The following LARGE1 variants were observed in gnomAD, a reference collection of about 807,000 sequenced individuals.
The protein encoded by LARGE1 is xylosyl- and glucuronyltransferase LARGE1.
A neutral mutation model predicts 87.6 loss-of-function variants in LARGE1; 43 were observed. That is an observed-to-expected ratio of 0.49 (90% CI 0.38 to 0.63). LARGE1 has a LOEUF of 0.63. Ranked by LOEUF, LARGE1 falls within the 30% of genes least tolerant of loss-of-function variation. The pLI is 0.00. For missense variants in LARGE1, 802 were observed against 1,000.2 expected (o/e 0.80, Z 2.67); for synonymous variants, 434 against 394.6 (o/e 1.10, Z -1.18).
chr22:33,519,898 A>G (rs1294333612), intron 6 of LARGE1, among the ~76,000 whole-genome samples: 1 of 151,506 alleles, frequency 6.6e-6, no homozygotes. Context: ...TAGTTTAAGT[A>G]GCATTTTCTT....
chr22:33,660,070 TTGTG>T (rs1160067357), intron 2 of LARGE1, among the ~76,000 whole-genome samples: 4 of 141,106 alleles, frequency 2.8e-5, no homozygotes, highest in African/African-American at 1.1e-4. Context: ...AAATGTTTTG[TTGTG>T]TGTGTGTGTG....
intron 1 of LARGE1, among the ~76,000 whole-genome samples, chr22:33,769,548 C>G (rs939043258): frequency 9.2e-5 from 14 of 152,172 alleles, no homozygotes; most frequent in Admixed American, 4.6e-4. Flanking sequence ...ACTGGATATT[C>G]ATTATCATAC....
intron 12 of LARGE1, among the ~76,000 whole-genome samples, chr22:33,289,625 AC>A (rs1932170012): frequency 6.6e-6 from 1 of 152,116 alleles, no homozygotes; most frequent in East Asian, 1.9e-4. Context: ...ACTACTTACA[AC>A]CAGGGAAGAC....
At chr22:33,811,858 T>C (rs1318495455) in intron 1 of LARGE1, among the ~76,000 whole-genome samples, 1 of 152,096 alleles carries the variant, frequency 6.6e-6, no homozygotes, top group African/African-American at 2.4e-5. Context: ...GCTAGTGAAA[T>C]ACTTCAGGCC....
At chr22:33,141,169 A>ATC in the LARGE1 span, among the ~76,000 whole-genome samples, 5,185 of 143,832 alleles carry the variant, frequency 0.036, 291 homozygotes, top group African/African-American at 0.12. Flanking sequence ...TATTCTCAGA[A>ATC]TCTCTCTCTC....
chr22:33,616,870 T>A (rs559954230), intron 4 of LARGE1, among the ~76,000 whole-genome samples: 1 of 152,360 alleles, frequency 6.6e-6, no homozygotes, highest in East Asian at 1.9e-4. Context: ...ATAAAAATGC[T>A]CTGATATTAA....
intron 2 of LARGE1, 90 bp from the exon 3 acceptor site, chr22:33,650,758 G>C: frequency 7.0e-7 from 1 of 1,426,280 alleles, no homozygotes; most frequent in South Asian, 1.2e-5. Context: ...ACTACATGGC[G>C]AGGCTCCTTG....
At chr22:33,357,082 A>T (rs1033939338) in intron 9 of LARGE1, among the ~76,000 whole-genome samples, 1 of 152,234 alleles carries the variant, frequency 6.6e-6, no homozygotes, top group Admixed American at 6.5e-5. Flanking sequence ...TCACTGCAGC[A>T]CTATTCACAA....
intron 6 of LARGE1, among the ~76,000 whole-genome samples, chr22:33,492,925 CCT>C (rs2069920210): frequency 6.6e-6 from 1 of 152,048 alleles, no homozygotes; most frequent in Non-Finnish European, 1.5e-5. Context: ...CAATGCGCAC[CCT>C]GTTTTGAAAG....
At chr22:33,662,799 C>G (rs2149237184) in intron 2 of LARGE1, among the ~76,000 whole-genome samples, 1 of 152,024 alleles carries the variant, frequency 6.6e-6, no homozygotes, top group East Asian at 1.9e-4. Context: ...CATCCCCCTG[C>G]TGTAAAATGC....
intron 11 of LARGE1, among the ~76,000 whole-genome samples, chr22:33,255,603 A>G (rs1927222300): frequency 6.6e-6 from 1 of 152,202 alleles, no homozygotes; most frequent in Non-Finnish European, 1.5e-5. Flanking sequence ...TGAGATTCAC[A>G]ACAAGCTACA....
At chr22:33,194,273 C>T (rs1353457091) in intron 11 of LARGE1, among the ~76,000 whole-genome samples, 1 of 152,094 alleles carries the variant, frequency 6.6e-6, no homozygotes, top group Non-Finnish European at 1.5e-5. Flanking sequence ...GAAGAAAGTG[C>T]TTTGAAAAGA....
intron 6 of LARGE1, among the ~76,000 whole-genome samples, chr22:33,437,123 T>G (rs937005665): frequency 6.6e-6 from 1 of 152,200 alleles, no homozygotes; most frequent in African/African-American, 2.4e-5. Context: ...ACTCCCCAGG[T>G]AATTCAGATG....
intron 2 of LARGE1, among the ~76,000 whole-genome samples, chr22:33,653,714 T>C (rs57833389): frequency 0.025 from 3,856 of 152,242 alleles, 148 homozygotes; most frequent in African/African-American, 0.086. Flanking sequence ...GGGAAGGTGA[T>C]GTCATGGGTA....
chr22:33,645,765 A>C (rs1249763080), intron 3 of LARGE1, among the ~76,000 whole-genome samples: 1 of 152,224 alleles, frequency 6.6e-6, no homozygotes, highest in African/African-American at 2.4e-5. Flanking sequence ...AAATGACCCC[A>C]TCAAAAAGTG....
intron 1 of LARGE1, among the ~76,000 whole-genome samples, chr22:33,854,665 C>A (rs981713442): frequency 1.5e-5 from 2 of 137,776 alleles, no homozygotes; most frequent in African/African-American, 2.8e-5. Flanking sequence ...CCCCAAGTGT[C>A]TCCAGTTTAT....
chr22:33,089,177 T>G, the LARGE1 span, among the ~76,000 whole-genome samples: 1 of 152,202 alleles, frequency 6.6e-6, no homozygotes, highest in Non-Finnish European at 1.5e-5. Flanking sequence ...TTAAGACAAC[T>G]CTTCTTGCTG....
chr22:33,199,469 TCTAG>T (rs1924257838), intron 11 of LARGE1, among the ~76,000 whole-genome samples: 1 of 152,208 alleles, frequency 6.6e-6, no homozygotes, highest in African/African-American at 2.4e-5. Context: ...TAGCTTTTCT[TCTAG>T]AATTTTTATA....
intron 1 of LARGE1, among the ~76,000 whole-genome samples, chr22:33,910,281 A>G (rs573480361): frequency 2.0e-5 from 3 of 152,284 alleles, no homozygotes; most frequent in East Asian, 3.9e-4. Context: ...GCTTTCATAG[A>G]TATAAGGATG....
Sources: allele counts gnomAD v4.1 joint callset (sites outside exome capture counted in the v4.1 genomes callset), GRCh38; gene constraint gnomAD v4.1.1; transcripts MANE v1.5; gene names NCBI Gene and HGNC (gene_info 2026-07-23, HGNC 2026-07-21).